Variants in SVOPL observed in about 807,000 individuals in gnomAD.
The protein encoded by SVOPL is SVOP like.
SVOPL carries 60 observed loss-of-function variants against 61.0 expected under a neutral mutation model. The ratio of observed to expected loss-of-function variants is 0.98; its 90% CI spans 0.80 to 1.22. The LOEUF is 1.22. SVOPL is among the 50% of genes most tolerant of loss of function. The pLI, the probability that SVOPL is intolerant of heterozygous loss-of-function variation, is 0.00. For missense variants in SVOPL, 662 were observed against 643.9 expected, an observed-to-expected ratio of 1.03 and a Z score of -0.30; for synonymous variants, 279 against 250.0, an observed-to-expected ratio of 1.12 and a Z score of -1.09.
At chr7:138,626,212 G>A (rs1799887268) in intron 12 of SVOPL, 162 bp from the exon 13 acceptor site, 2 of 635,642 alleles carry the variant, frequency 3.1e-6, no homozygotes, top group East Asian at 2.8e-5. Context: ...GGGTCCTTAA[G>A]CAAACCTCCT....
intron 1 of SVOPL, among the ~76,000 whole-genome samples, chr7:138,682,139 G>A (rs1383182295): frequency 6.6e-6 from 1 of 152,114 alleles, no homozygotes; most frequent in Non-Finnish European, 1.5e-5. Context: ...GCAGAGAAAA[G>A]GATGGAATTA....
intron 1 of SVOPL, chr7:138,689,342 A>AG (rs1802888030): frequency 6.3e-7 from 1 of 1,591,438 alleles, no homozygotes; most frequent in African/African-American, 1.3e-5. Context: ...AAGTGAACAA[A>AG]GCACCTAAGA....
At chr7:138,614,407 T>C (rs1280842163) in intron 14 of SVOPL, among the ~76,000 whole-genome samples, 2 of 151,034 alleles carry the variant, frequency 1.3e-5, no homozygotes, top group Non-Finnish European at 3.0e-5. Flanking sequence ...TTTTTTTTTT[T>C]TTTTTTGAGA....
chr7:138,652,816 G>C (rs1169914748), intron 7 of SVOPL, among the ~76,000 whole-genome samples: 1 of 152,010 alleles, frequency 6.6e-6, no homozygotes, highest in South Asian at 2.1e-4. Flanking sequence ...AGTAGAAACA[G>C]GGTTTCACCA....
Position 138,649,060 on chromosome 7 carries a change from G to C in SVOPL, c.612C>G (p.Leu204=). The C allele has an allele frequency of 6.2e-7, 1 of 1,613,902 alleles. No homozygotes were observed. Among genetic ancestry groups the C allele is most frequent in the Non-Finnish European group, 8.5e-7 (1 of 1,179,966 alleles). Reference sequence around the variant, plus strand: ...TGCCCGGGATGGAGGCGACGCGAATGAGCCAGCGCCACCCGATGGTGGGGA... The same window carrying C: ...TGCCCGGGATGGAGGCGACGCGAATCAGCCAGCGCCACCCGATGGTGGGGA... ...VIIPTIGWRW[L]IRVASIPGII... The change falls in exon 8 of 16, where the codon CTC becomes CTG. Residue 204 remains leucine, a synonymous_variant. Coordinates refer to ENST00000674285, the MANE Select transcript of SVOPL (RefSeq NM_001139456.2).
At chr7:138,663,241 G>A (rs767358597) in intron 4 of SVOPL, 96 bp from the exon 5 acceptor site, 34 of 1,542,388 alleles carry the variant, frequency 2.2e-5, no homozygotes, top group East Asian at 7.3e-5. Flanking sequence ...CTGGAAATAC[G>A]GGAGGGATGG....
At chr7:138,650,537 C>T (rs1294946738) in intron 7 of SVOPL, among the ~76,000 whole-genome samples, 4 of 150,830 alleles carry the variant, frequency 2.7e-5, no homozygotes, top group African/African-American at 7.3e-5. Context: ...GGGGCCAGTG[C>T]GGTGGCTCAT....
chr7:138,637,433 T>C lies in SVOPL; in HGVS notation c.789+7284A>G, dbSNP rs1300461321. 2.9e-4 allele frequency among the ~76,000 whole-genome samples: 15 copies of C among 50,968 alleles called. 1 individual carries two copies. The highest frequency in any genetic ancestry group is 9.6e-4 in the African/African-American group (14 of 14,594). The allele number at this position is 50,968 out of a possible 152,430, so 33.4% of individuals were successfully genotyped here. On this transcript the variant is annotated intron_variant, in intron 9 of 15. Coordinates refer to ENST00000674285, the MANE Select transcript of SVOPL (RefSeq NM_001139456.2). Reference sequence around the variant, plus strand: ...ACAGAGCAAGACTCCATCTCATATATATATATATAGATAGATAGATAGATA... The same window carrying C: ...ACAGAGCAAGACTCCATCTCATATACATATATATAGATAGATAGATAGATA...
At chr7:138,689,477 G>T in intron 1 of SVOPL, 1 of 835,326 alleles carries the variant, frequency 1.2e-6, no homozygotes, top group East Asian at 2.6e-5. Context: ...AGGTTGCCCT[G>T]AAGAAAAAGA....
intron 4 of SVOPL, chr7:138,664,268 G>A (rs1471410070): frequency 3.1e-6 from 3 of 977,220 alleles, no homozygotes; most frequent in African/African-American, 1.8e-5. Context: ...ACCCTCCAGC[G>A]TCCTTGAGCT....
intron 14 of SVOPL, among the ~76,000 whole-genome samples, chr7:138,615,079 G>C (rs112476950): frequency 1.6e-4 from 25 of 152,216 alleles, no homozygotes; most frequent in Non-Finnish European, 3.2e-4. Context: ...TCCATAGTAG[G>C]TTCCAGCAGT....
intron 1 of SVOPL, among the ~76,000 whole-genome samples, chr7:138,687,638 T>A (rs1802849583): frequency 6.6e-6 from 1 of 150,884 alleles, no homozygotes; most frequent in African/African-American, 2.4e-5. Flanking sequence ...AACAAAAAAA[T>A]TGGACTTAAT....
chr7:138,700,257 T>C (rs73164702), intron 1 of SVOPL, among the ~76,000 whole-genome samples: 13,210 of 151,408 alleles, frequency 0.087, 781 homozygotes, highest in Middle Eastern at 0.15. Flanking sequence ...TATTGAGAGA[T>C]AGAGCTTGCA....
intron 14 of SVOPL, among the ~76,000 whole-genome samples, chr7:138,608,110 G>C (rs1056135011): frequency 2.0e-5 from 3 of 152,208 alleles, no homozygotes; most frequent in African/African-American, 7.2e-5. Flanking sequence ...AAGGGCCATA[G>C]GAGGAAAGAT....
chr7:138,659,485 C>T (rs1401654828), intron 6 of SVOPL, among the ~76,000 whole-genome samples: 1 of 130,506 alleles, frequency 7.7e-6, no homozygotes, highest in East Asian at 2.3e-4. Flanking sequence ...GAGCCAGACT[C>T]TATCTCGAAA....
intron 14 of SVOPL, among the ~76,000 whole-genome samples, chr7:138,602,347 C>T (rs549921423): frequency 1.8e-3 from 272 of 151,926 alleles, no homozygotes; most frequent in African/African-American, 6.3e-3. Flanking sequence ...CTAATTATGG[C>T]ACATACATGC....
At chr7:138,636,636 A>G (rs1800482304) in intron 9 of SVOPL, among the ~76,000 whole-genome samples, 2 of 151,852 alleles carry the variant, frequency 1.3e-5, no homozygotes, top group Non-Finnish European at 2.9e-5. Flanking sequence ...AAGCCTGGCT[A>G]GTTTTTGTAT....
At position 138,678,960 on chromosome 7, in the gene SVOPL, T is replaced by A; in HGVS notation, c.82+4A>T. Reference sequence around the variant, plus strand: ...TGAGCTGGAGACTTCTATGATAATCTCACCTTTAACCTGTGGCTCTGCGGT... The same window carrying A: ...TGAGCTGGAGACTTCTATGATAATCACACCTTTAACCTGTGGCTCTGCGGT... On this transcript the variant is annotated splice_donor_region_variant and intron_variant, in intron 2 of 15. Coordinates refer to ENST00000674285, the MANE Select transcript of SVOPL (RefSeq NM_001139456.2). The A allele has an allele frequency of 6.4e-7, 1 of 1,551,364 alleles. No individual in the cohort carries two copies.
chr7:138,690,326 G>A (rs11975918), intron 1 of SVOPL, among the ~76,000 whole-genome samples: 1 of 151,772 alleles, frequency 6.6e-6, no homozygotes, highest in Non-Finnish European at 1.5e-5. Flanking sequence ...GGCGTGATCT[G>A]AGCTCACTGT....
Sources: allele counts gnomAD v4.1 joint callset (sites outside exome capture counted in the v4.1 genomes callset), GRCh38; gene constraint gnomAD v4.1.1; transcripts MANE v1.5; gene names NCBI Gene and HGNC (gene_info 2026-07-23, HGNC 2026-07-21).